CREBBP: variants seen among roughly 807,000 people sequenced by gnomAD.
The protein encoded by CREBBP is CREB-binding protein.
Under a neutral mutation model 265.0 loss-of-function variants are expected in CREBBP, and 19 were observed. The ratio of observed to expected loss-of-function variants is 0.07; its 90% CI spans 0.05 to 0.11. The LOEUF is 0.11. Ranked by LOEUF, CREBBP falls within the 10% of genes least tolerant of loss-of-function variation. The probability of loss-of-function intolerance (pLI) is 1.00; values close to 1 mark genes in which losing one functional copy is unlikely to be tolerated. For synonymous variants in CREBBP, 1,457 were observed against 1,223.7 expected (o/e 1.19, Z -3.98); for missense variants, 2,525 against 3,219.0 (o/e 0.78, Z 5.22).
rs1461030167 is a variant in CREBBP, at chr16:3,728,869, T to G, written c.6178A>C (p.Arg2060=). The change falls in exon 31 of 31, where the codon AGG becomes CGG. Residue 2060 remains arginine (R), a synonymous_variant. Transcript: ENST00000262367. This position sits in a 1 kb window ranked among gnomAD's most constrained non-coding sequence, Gnocchi z 8.7. ...TGCAGAGCGCTGGGTGAGATGCTCC[T>G]GGGTGGCTGCACGCTGGGCATCCGG... The part of the protein sequence containing the change: ...GPRMPSVQPP[R]SISPSALQDL... 1 of 1,612,324 alleles carries G rather than the reference T, an allele frequency of 6.2e-7. No individual in the cohort carries two copies. The highest frequency in any genetic ancestry group is 1.3e-5 in the African/African-American group (1 of 75,032).
rs1458532302 is a variant in CREBBP, at chr16:3,727,975, G to T, written c.7072C>A (p.Pro2358Thr). 1 of 1,608,426 alleles carries T rather than the reference G, an allele frequency of 6.2e-7. No individual in the cohort carries two copies. Among genetic ancestry groups the T allele is most frequent in the South Asian group, 1.1e-5 (1 of 90,596 alleles). ...PVQSPRPQSQ[P>T]PHSSPSPRIQ... is the part of the protein sequence containing the mutation. The stretch of plus-strand genomic sequence containing the variant: ...CGTGGTGACGGGCTGGAATGTGGAG[G>T]CTGGGACTGGGGCCGTGGAGACTGG... Residue 2358 changes from proline (P) to threonine (T), a missense_variant, in exon 31 of 31, where the codon CCT (proline) becomes ACT (threonine). Pro to Thr is a conservative substitution (Grantham distance 38). This residue lies in a region of CREBBP where 473 missense variants were observed against 459.3 expected (regional missense o/e 1.03). Transcript: ENST00000262367.
chr16:3,751,971 T>C (rs2052484606), intron 19 of CREBBP, 165 bp from the exon 20 acceptor site: 1 of 699,458 alleles, frequency 1.4e-6, no homozygotes, highest in African/African-American at 1.8e-5. Flanking sequence ...AGGGGGCAGG[T>C]GGGGAAAGGC....
rs1317702733 is a variant in CREBBP at position 3,728,212 on chromosome 16, G to T, written c.6835C>A (p.Leu2279Met). ...ATGTTGGGGGTGCTGTCTGCCCCCA[G>T]CCCCGGCTGCCCCATCTGGCCAAGC... ...GQLGQMGQPG[L>M]GADSTPNIQQ... Residue 2279 changes from leucine to methionine, a missense_variant, in exon 31 of 31, where the codon CTG becomes ATG. This residue lies in a region of CREBBP where 473 missense variants were observed against 459.3 expected (regional missense o/e 1.03). Transcript: ENST00000262367. This position sits in a 1 kb window ranked among gnomAD's most constrained non-coding sequence, Gnocchi z 8.7. 1 of 1,613,474 alleles carries T rather than the reference G, an allele frequency of 6.2e-7. No individual in the cohort carries two copies. Among genetic ancestry groups the T allele is most frequent in the Non-Finnish European group, 8.5e-7 (1 of 1,179,986 alleles).
chr16:3,869,745 G>A (rs569373642), intron 1 of CREBBP, among the ~76,000 whole-genome samples: 1 of 152,244 alleles, frequency 6.6e-6, no homozygotes, highest in East Asian at 1.9e-4. Flanking sequence ...GGACAGCGCT[G>A]GCTTGGAGGG....
intron 23 of CREBBP, 80 bp from the exon 24 acceptor site, chr16:3,740,629 A>T (rs2151341834): frequency 6.7e-7 from 1 of 1,493,130 alleles, no homozygotes; most frequent in South Asian, 1.1e-5. Context: ...AATCCACCCC[A>T]CTTTGCAGCA....
At chr16:3,789,169 T>C (rs947238217) in intron 5 of CREBBP, among the ~76,000 whole-genome samples, 5 of 152,092 alleles carry the variant, frequency 3.3e-5, no homozygotes, top group African/African-American at 9.7e-5. Context: ...AAACACTGCC[T>C]AAAAAGCAGA....
intron 2 of CREBBP, among the ~76,000 whole-genome samples, chr16:3,811,266 C>A (rs1022170968): frequency 3.3e-4 from 50 of 152,114 alleles, no homozygotes; most frequent in African/African-American, 1.0e-3. Flanking sequence ...TTAAAATACA[C>A]CTGACCCATG....
intron 2 of CREBBP, among the ~76,000 whole-genome samples, chr16:3,824,605 C>G (rs2054203298): frequency 6.6e-6 from 1 of 152,206 alleles, no homozygotes; most frequent in African/African-American, 2.4e-5. Context: ...CTGATGGACT[C>G]AAGTCAAGAG....
intron 2 of CREBBP, among the ~76,000 whole-genome samples, chr16:3,838,602 G>A (rs151248987): frequency 1.6e-3 from 238 of 152,240 alleles, no homozygotes; most frequent in African/African-American, 5.6e-3. Flanking sequence ...TAAAAGACTG[G>A]TAGAGAAAAC....
chr16:3,732,063 A>G, intron 28 of CREBBP, 126 bp from the exon 29 acceptor site: 1 of 1,558,148 alleles, frequency 6.4e-7, no homozygotes, highest in African/African-American at 1.3e-5. Context: ...GGCAGACCCC[A>G]TACGTGAACG....
chr16:3,767,559 G>A (rs2052884843), intron 16 of CREBBP, 161 bp downstream of exon 16: 2 of 943,084 alleles, frequency 2.1e-6, no homozygotes, highest in East Asian at 2.6e-5. Flanking sequence ...GTCCTGCTCA[G>A]CCTGAGTGTT....
chr16:3,750,364 G>A (rs990046684), intron 20 of CREBBP, among the ~76,000 whole-genome samples: 17 of 152,170 alleles, frequency 1.1e-4, no homozygotes, highest in African/African-American at 4.1e-4. Context: ...ATGGTAGAGC[G>A]TAAGTGCCTA....
Position 3,728,094 on chromosome 16 carries a change from T to G in CREBBP, c.6953A>C (p.Gln2318Pro), listed in dbSNP as rs760140366. 5 of 1,614,028 alleles carry G rather than the reference T, an allele frequency of 3.1e-6. No individual in the cohort carries two copies. The Admixed American group carries it at 6.7e-5, about 22-fold the overall frequency. ...PGQPNPMSPQ[Q>P]HMLSGQPQAS... The stretch of plus-strand genomic sequence containing the variant: ...CTGTGGCTGTCCTGAGAGCATGTGT[T>G]GCTGGGGGCTCATGGGGTTCGGCTG... Residue 2318 changes from glutamine to proline, a missense_variant, in exon 31 of 31, where the codon CAA (glutamine) becomes CCA (proline). By Grantham distance (76) the Gln-to-Pro change is moderately conservative. Coordinates refer to ENST00000262367, the MANE Select transcript of CREBBP (RefSeq NM_004380.3). The surrounding 1 kb of genome is among the most constrained non-coding windows in gnomAD (Gnocchi z 8.7).
intron 3 of CREBBP, among the ~76,000 whole-genome samples, chr16:3,809,237 G>C (rs1383864049): frequency 6.6e-6 from 1 of 151,860 alleles, no homozygotes; most frequent in Non-Finnish European, 1.5e-5. Flanking sequence ...GAGTGCAGTG[G>C]CGCGATCTCC....
intron 1 of CREBBP, among the ~76,000 whole-genome samples, chr16:3,859,741 G>A (rs576848192): frequency 6.6e-6 from 1 of 152,208 alleles, no homozygotes; most frequent in African/African-American, 2.4e-5. Flanking sequence ...AGGGTTCAGA[G>A]AGCTTCCAGA....
rs763002215 is a variant in CREBBP at position 3,850,842 on chromosome 16, C to T, written c.253G>A (p.Gly85Arg). The change falls in exon 2 of 31, where the codon GGA becomes AGA. Residue 85 changes from glycine (G) to arginine (R), a missense_variant. This residue lies in a region of CREBBP where 356 missense variants were observed against 340.4 expected (regional missense o/e 1.05). Transcript: ENST00000262367. ...RGGSGSSINP[G>R]IGNVSASSPV... ...CTGCTGGCGCTCACATTTCCTATTC[C>T]TGGGTTGATACTAGAGCCGCTGCCT... 4 of 1,614,070 alleles carry T rather than the reference C, an allele frequency of 2.5e-6. No homozygotes were observed. In the Admixed American group the frequency reaches 6.7e-5, roughly 27 times the overall value.
At position 3,726,534 on chromosome 16, in the gene CREBBP, C is replaced by G. The variant is rs1483521000; in HGVS notation, c.*1184G>C. On this transcript the variant is annotated 3_prime_UTR_variant, in exon 31 of 31. Transcript: ENST00000262367. ...ACAACCACAACCGCAGCCCCAGCCT[C>G]TCCGCTATGAGCGAACAACCAGAAC... 2 of 233,718 alleles carry G rather than the reference C, an allele frequency of 8.6e-6. No individual in the cohort carries two copies. Among genetic ancestry groups the G allele is most frequent in the Non-Finnish European group, 1.7e-5 (2 of 118,098 alleles). The allele number at this position is 233,718 out of a possible 1,614,324, so 14.5% of individuals were successfully genotyped here.
chr16:3,838,874 T>G (rs963006491), intron 2 of CREBBP, among the ~76,000 whole-genome samples: 22 of 152,132 alleles, frequency 1.4e-4, no homozygotes, highest in Non-Finnish European at 2.6e-4. Context: ...AAAAAATGTT[T>G]TCGGAAAACA....
At chr16:3,807,744 TA>T (rs1233414100) in intron 3 of CREBBP, among the ~76,000 whole-genome samples, 1 of 152,234 alleles carries the variant, frequency 6.6e-6, no homozygotes. Context: ...CTCAAGAGGC[TA>T]TTGCAGGAAT....
Sources: allele counts gnomAD v4.1 joint callset (sites outside exome capture counted in the v4.1 genomes callset), GRCh38; gene constraint gnomAD v4.1.1; regional missense constraint gnomAD v4.1.1; non-coding constraint Gnocchi (gnomAD v3.1); transcripts MANE v1.5; gene names NCBI Gene and HGNC (gene_info 2026-07-23, HGNC 2026-07-21).